GPR176: variants seen among roughly 807,000 people sequenced by gnomAD.
GPR176 encodes G-protein coupled receptor 176.
In GPR176, 26 loss-of-function variants were observed where a neutral mutation model predicts 35.4. The observed-to-expected ratio is 0.74, with a 90% CI of 0.54 to 1.02. The LOEUF is 1.02. Ranked by LOEUF, GPR176 falls within the 50% of genes least tolerant of loss-of-function variation. The pLI, the probability that GPR176 is intolerant of heterozygous loss-of-function variation, is 0.00. For missense variants in GPR176, 597 were observed against 665.3 expected (o/e 0.90, Z 1.13); for synonymous variants, 278 against 271.3 (o/e 1.02, Z -0.24).
chr15:39,831,193 C>G (rs1034149712), intron 1 of GPR176, among the ~76,000 whole-genome samples: 5 of 152,162 alleles, frequency 3.3e-5, no homozygotes, highest in African/African-American at 1.2e-4. Flanking sequence ...CAAACCTCAG[C>G]AGATAAAGAA....
At chr15:39,832,350 A>T (rs1017983875) in intron 1 of GPR176, among the ~76,000 whole-genome samples, 1 of 152,168 alleles carries the variant, frequency 6.6e-6, no homozygotes, top group Non-Finnish European at 1.5e-5. Flanking sequence ...CATGTGATTC[A>T]GTATATTTGT....
chr15:39,919,973 C>T lies in GPR176; in HGVS notation c.54G>A (p.Ala18=), dbSNP rs141122559. The T allele has an allele frequency of 3.0e-4, 440 of 1,474,742 alleles. 2 individuals are homozygous for T. The African/African-American group carries it at 5.9e-3, about 20-fold the overall frequency. 91.4% of individuals were successfully genotyped at this position (1,474,742 alleles called of 1,614,324 possible). ...ISPNASEPHN[A]SGAEAAGVNR... ...TCACACCCGCAGCCTCGGCGCCGGACGCGTTGTGCGGCTCGCTGGCATTTG... is the reference window on the plus strand; with the variant it reads ...TCACACCCGCAGCCTCGGCGCCGGATGCGTTGTGCGGCTCGCTGGCATTTG... Residue 18 remains alanine (A), a synonymous_variant, in exon 1 of 3, where the codon GCG becomes GCA. Coordinates refer to ENST00000561100, the MANE Select transcript of GPR176 (RefSeq NM_007223.3).
intron 1 of GPR176, among the ~76,000 whole-genome samples, chr15:39,849,801 C>T (rs1368727003): frequency 1.3e-5 from 2 of 152,118 alleles, no homozygotes; most frequent in African/African-American, 4.8e-5. Context: ...TCAGGCATCA[C>T]TTAATGACAG....
chr15:39,868,881 C>T (rs924373001), intron 1 of GPR176, among the ~76,000 whole-genome samples: 1 of 151,926 alleles, frequency 6.6e-6, no homozygotes, highest in Non-Finnish European at 1.5e-5. Flanking sequence ...ATGACCTGTC[C>T]GATGAGGTAA....
chr15:39,853,406 G>A (rs1171993936), intron 1 of GPR176, among the ~76,000 whole-genome samples: 1 of 152,162 alleles, frequency 6.6e-6, no homozygotes, highest in Non-Finnish European at 1.5e-5. Context: ...AGGAGCTGGG[G>A]AAGGAGGAAA....
chr15:39,841,557 T>A (rs925630602), intron 1 of GPR176, among the ~76,000 whole-genome samples: 4 of 151,772 alleles, frequency 2.6e-5, no homozygotes, highest in African/African-American at 9.7e-5. Context: ...AGGACTAGAG[T>A]GATGCATCTA....
chr15:39,816,144 C>T (rs919363331), intron 1 of GPR176, among the ~76,000 whole-genome samples: 1 of 152,060 alleles, frequency 6.6e-6, no homozygotes, highest in Non-Finnish European at 1.5e-5. Flanking sequence ...TAGGACGAAG[C>T]GTTGGAGAGA....
intron 1 of GPR176, among the ~76,000 whole-genome samples, chr15:39,811,912 T>A (rs1899593671): frequency 6.7e-6 from 1 of 148,254 alleles, no homozygotes; most frequent in Non-Finnish European, 1.5e-5. Flanking sequence ...CGAGACTCCG[T>A]CTCAAAAAAA....
chr15:39,877,330 T>C (rs539294860), intron 1 of GPR176, among the ~76,000 whole-genome samples: 1 of 152,246 alleles, frequency 6.6e-6, no homozygotes, highest in East Asian at 1.9e-4. Context: ...TACGTTTAAG[T>C]GAACATCCCT....
chr15:39,888,698 T>C (rs1193925320), intron 1 of GPR176, among the ~76,000 whole-genome samples: 2 of 152,222 alleles, frequency 1.3e-5, no homozygotes, highest in African/African-American at 2.4e-5. Flanking sequence ...GTAAATCATC[T>C]TTCTCTCCAG....
chr15:39,847,577 C>G (rs1334314679), intron 1 of GPR176, among the ~76,000 whole-genome samples: 1 of 151,724 alleles, frequency 6.6e-6, no homozygotes, highest in African/African-American at 2.4e-5. Flanking sequence ...AACCCCATCT[C>G]TACAAAAATA....
chr15:39,900,949 G>C (rs1404965284), intron 1 of GPR176, among the ~76,000 whole-genome samples: 1 of 152,232 alleles, frequency 6.6e-6, no homozygotes, highest in African/African-American at 2.4e-5. Flanking sequence ...CTCCTCCACA[G>C]TGAGATATCA....
At chr15:39,803,897 G>T (rs1331713005) in intron 2 of GPR176, among the ~76,000 whole-genome samples, 1 of 152,214 alleles carries the variant, frequency 6.6e-6, no homozygotes, top group East Asian at 1.9e-4. Context: ...TGGACAATCA[G>T]GGAAGGAGGG....
intron 1 of GPR176, among the ~76,000 whole-genome samples, chr15:39,869,747 C>T (rs2031977388): frequency 1.3e-5 from 2 of 152,176 alleles, no homozygotes; most frequent in African/African-American, 4.8e-5. Context: ...ACCCCAATCA[C>T]ATTTGATCCT....
chr15:39,872,305 A>G lies in GPR176; in HGVS notation c.172+47550T>C, dbSNP rs114665283. 4.0e-3 allele frequency among the ~76,000 whole-genome samples: 612 copies of G among 152,300 alleles called. 2 individuals are homozygous for G. The highest frequency in any genetic ancestry group is 0.014 in the African/African-American group (588 of 41,560). On this transcript the variant is annotated intron_variant, in intron 1 of 2. Transcript: ENST00000561100. ...GTTCATTCCAAACTGAAGCAGGATG[A>G]AGTCAATGGTGGAGAGAAAGCTAAA...
rs138645238 is a variant in GPR176, at chr15:39,830,390, G to A, written c.173-23132C>T. ...AAACAAATGATGGAGGAATATATGG[G>A]AAGAGGAAGGAGGACCCAATGGGCT... On this transcript the variant is annotated intron_variant, in intron 1 of 2. Transcript: ENST00000561100. 5.8e-4 allele frequency among the ~76,000 whole-genome samples: 88 copies of A among 152,316 alleles called. No individual in the cohort carries two copies. The East Asian group carries it at 0.013, about 22-fold the overall frequency.
intron 1 of GPR176, among the ~76,000 whole-genome samples, chr15:39,898,928 T>G (rs549423939): frequency 6.6e-6 from 1 of 152,134 alleles, no homozygotes; most frequent in Non-Finnish European, 1.5e-5. Context: ...TGTTGGACGA[T>G]AAGGACACTG....
intron 1 of GPR176, among the ~76,000 whole-genome samples, chr15:39,894,978 C>T (rs2140864431): frequency 6.6e-6 from 1 of 152,318 alleles, no homozygotes; most frequent in African/African-American, 2.4e-5. Flanking sequence ...TCTGCAATCC[C>T]CGCACCTCGG....
intron 1 of GPR176, chr15:39,815,520 C>G (rs183756695): frequency 3.3e-5 from 5 of 152,368 alleles, no homozygotes; most frequent in Non-Finnish European, 7.3e-5. Flanking sequence ...TTCACAAAAG[C>G]CTTTCTTTCT....
Sources: gnomAD v4.1 joint callset for allele counts (sites outside exome capture counted in the v4.1 genomes callset) on GRCh38, gnomAD v4.1.1 for gene constraint, MANE v1.5 for transcripts, NCBI Gene and HGNC (gene_info 2026-07-23, HGNC 2026-07-21) for gene names.